Variants in TMEM132B observed in about 807,000 individuals in gnomAD.
TMEM132B encodes transmembrane protein 132B.
TMEM132B carries 18 observed loss-of-function variants against 90.8 expected under a neutral mutation model. The observed-to-expected ratio is 0.20, with a 90% CI of 0.14 to 0.29. The LOEUF (loss-of-function observed/expected upper bound fraction) is 0.29, where lower values mean the gene tolerates loss of function less well. Among genes scored for constraint, TMEM132B ranks in the 10% least tolerant of loss-of-function variants. The pLI, the probability that TMEM132B is intolerant of heterozygous loss-of-function variation, is 1.00. For missense variants in TMEM132B, 1,096 were observed against 1,326.8 expected (o/e 0.83, Z 2.70); for synonymous variants, 504 against 523.3 (o/e 0.96, Z 0.50).
At chr12:125,475,541 T>C (rs775209600) in intron 3 of TMEM132B, among the ~76,000 whole-genome samples, 1 of 152,166 alleles carries the variant, frequency 6.6e-6, no homozygotes, top group Non-Finnish European at 1.5e-5. Flanking sequence ...AGCCAGAATA[T>C]AAAGCAGGCA....
intron 4 of TMEM132B, among the ~76,000 whole-genome samples, chr12:125,560,516 T>C (rs1443414143): frequency 6.6e-6 from 1 of 152,004 alleles, no homozygotes. Context: ...CCAGTTAGAA[T>C]AGTGATCATT....
At position 125,659,796 on chromosome 12, in the gene TMEM132B, GA is replaced by G. The variant is rs1383675714; in HGVS notation, c.*5087del. The G allele has an allele frequency of 6.6e-6, 1 of 152,206 alleles. No individual in the cohort carries two copies. The highest frequency in any genetic ancestry group is 1.5e-5 in the Non-Finnish European group (1 of 68,046). 9.4% of individuals were successfully genotyped at this position (152,206 alleles called of 1,614,324 possible). A position where few individuals can be genotyped will look rare whatever the true frequency, so the allele number is the denominator to read the frequency against. On this transcript the variant is annotated 3_prime_UTR_variant, in exon 9 of 9. Transcript: ENST00000682704. ...TTCAGGTAACTGGGTGTAAACACAG[GA>G]GTTGGCTTTGTGAAACTGAGGCAGG... is the stretch of plus-strand genomic sequence containing the variant.
At chr12:125,526,390 G>C (rs948933171) in intron 4 of TMEM132B, among the ~76,000 whole-genome samples, 20 of 152,190 alleles carry the variant, frequency 1.3e-4, no homozygotes, top group Non-Finnish European at 8.8e-5. Flanking sequence ...ATTCCTACAG[G>C]CCCCAGTTGG....
chr12:125,204,180 A>T (rs1402614547), intron 1 of TMEM132B, among the ~76,000 whole-genome samples: 1 of 151,024 alleles, frequency 6.6e-6, no homozygotes, highest in Admixed American at 6.6e-5. Context: ...GGCTCCATGT[A>T]CCAGGCACTG....
intron 3 of TMEM132B, among the ~76,000 whole-genome samples, chr12:125,427,532 A>G (rs1436522764): frequency 2.6e-5 from 4 of 152,228 alleles, no homozygotes; most frequent in African/African-American, 7.2e-5. Flanking sequence ...CTCTTTTCGC[A>G]GTATCAGAGT....
chr12:125,522,885 G>A (rs1883344295), intron 4 of TMEM132B, among the ~76,000 whole-genome samples: 1 of 152,110 alleles, frequency 6.6e-6, no homozygotes, highest in South Asian at 2.1e-4. Flanking sequence ...ATTAAAATAG[G>A]GCTCAGATCT....
intron 4 of TMEM132B, among the ~76,000 whole-genome samples, chr12:125,557,244 C>T (rs1261955055): frequency 6.6e-6 from 1 of 152,100 alleles, no homozygotes; most frequent in East Asian, 1.9e-4. Context: ...GCCTCCCTTG[C>T]ACTTATTACC....
At position 125,660,430 on chromosome 12, in the gene TMEM132B, A is replaced by T. The variant is rs1310270162; in HGVS notation, c.*5720A>T. 1 of 152,208 alleles carries T rather than the reference A, an allele frequency of 6.6e-6. No individual in the cohort carries two copies. Among genetic ancestry groups the T allele is most frequent in the Non-Finnish European group, 1.5e-5 (1 of 68,046 alleles). 9.4% of individuals were successfully genotyped at this position (152,208 alleles called of 1,614,324 possible). On this transcript the variant is annotated 3_prime_UTR_variant, in exon 9 of 9. Coordinates refer to ENST00000682704, the MANE Select transcript of TMEM132B (RefSeq NM_001366854.1). ...TTTTGTGTGTGAGTGCAAAATGTAAACACGGCATTTGAAATTTTTTGGTAT... is the reference window on the plus strand; with the variant it reads ...TTTTGTGTGTGAGTGCAAAATGTAATCACGGCATTTGAAATTTTTTGGTAT...
At chr12:125,544,752 G>A (rs1884046746) in intron 4 of TMEM132B, among the ~76,000 whole-genome samples, 1 of 152,218 alleles carries the variant, frequency 6.6e-6, no homozygotes, top group South Asian at 2.1e-4. Flanking sequence ...GAGAGTGGTA[G>A]GGCTGAGGTC....
chr12:125,407,184 T>C lies in TMEM132B; in HGVS notation c.960-8347T>C, dbSNP rs1440377673. ...ATATTGAAGCACAGATTATCTGGCA[T>C]GGCCCAAGACCTCAGGTAAACAAAG... On this transcript the variant is annotated intron_variant, in intron 2 of 8. Transcript: ENST00000682704. This position sits in a 1 kb window ranked among gnomAD's most constrained non-coding sequence, Gnocchi z 6.7. 6.6e-6 allele frequency among the ~76,000 whole-genome samples: 1 copy of C among 152,238 alleles called. No individual in the cohort carries two copies. The highest frequency in any genetic ancestry group is 2.4e-5 in the African/African-American group (1 of 41,470).
chr12:125,540,853 C>T (rs1188676252), intron 4 of TMEM132B, among the ~76,000 whole-genome samples: 2 of 152,268 alleles, frequency 1.3e-5, no homozygotes, highest in African/African-American at 2.4e-5. Context: ...CTTATCATGA[C>T]CTAGTAGAGC....
chr12:125,407,729 T>C lies in TMEM132B; in HGVS notation c.960-7802T>C, dbSNP rs1158158659. On this transcript the variant is annotated intron_variant, in intron 2 of 8. Transcript: ENST00000682704. This position sits in a 1 kb window ranked among gnomAD's most constrained non-coding sequence, Gnocchi z 6.7. ...CAGAACCAAAGGGACCGCGGACACC[T>C]GGTGGAGGTCTGGGGGAGAAACGCC... 1.3e-5 allele frequency among the ~76,000 whole-genome samples: 2 copies of C among 152,124 alleles called. No homozygotes were observed. Among genetic ancestry groups the C allele is most frequent in the Non-Finnish European group, 2.9e-5 (2 of 68,022 alleles).
chr12:125,220,345 C>T (rs1448353068), intron 1 of TMEM132B, among the ~76,000 whole-genome samples: 3 of 152,306 alleles, frequency 2.0e-5, no homozygotes, highest in South Asian at 2.1e-4. Flanking sequence ...GAACCAGGGG[C>T]GACCCAGCCT....
At chr12:125,528,006 G>T (rs1448775482) in intron 4 of TMEM132B, among the ~76,000 whole-genome samples, 1 of 152,216 alleles carries the variant, frequency 6.6e-6, no homozygotes, top group African/African-American at 2.4e-5. Context: ...ACCGCTTCTT[G>T]AAAAGGGTGG....
At chr12:125,563,551 C>T (rs1007703102) in intron 4 of TMEM132B, among the ~76,000 whole-genome samples, 10 of 145,356 alleles carry the variant, frequency 6.9e-5, no homozygotes, top group Non-Finnish European at 1.5e-4. Context: ...GGCATCAGAG[C>T]GAGACTCTGT....
rs148266172 is a variant in TMEM132B, at chr12:125,415,662, C to G, written c.1091C>G (p.Pro364Arg). The part of the protein sequence containing the change: ...SATLTCMGHR[P>R]DTQSRVNGSF... ...ACCCTCACCTGCATGGGCCATCGCC[C>G]GGACACGCAGAGCAGGTAAGCATGG... The change falls in exon 3 of 9, where the codon CCG becomes CGG. Residue 364 changes from proline (P) to arginine (R), a missense_variant. Coordinates refer to ENST00000682704, the MANE Select transcript of TMEM132B (RefSeq NM_001366854.1). The surrounding 1 kb of genome is among the most constrained non-coding windows in gnomAD (Gnocchi z 5.3). The G allele has an allele frequency of 3.1e-6, 5 of 1,613,952 alleles. No individual in the cohort carries two copies. The highest frequency in any genetic ancestry group is 4.2e-6 in the Non-Finnish European group (5 of 1,180,006).
chr12:125,641,585 C>T (rs913971446), intron 5 of TMEM132B, among the ~76,000 whole-genome samples: 2 of 152,160 alleles, frequency 1.3e-5, no homozygotes, highest in Non-Finnish European at 2.9e-5. Context: ...AATTGCTAAG[C>T]CCTCTTACTT....
chr12:125,190,508 GGTGGTGA>G (rs1957792138), intron 1 of TMEM132B, among the ~76,000 whole-genome samples: 3 of 136,384 alleles, frequency 2.2e-5, no homozygotes, highest in Admixed American at 7.1e-5. Flanking sequence ...GATGGGAAGG[GGTGGTGA>G]TGGTGATGGG....
intron 1 of TMEM132B, among the ~76,000 whole-genome samples, chr12:125,283,295 C>A (rs763674279): frequency 2.3e-4 from 35 of 152,124 alleles, no homozygotes; most frequent in Non-Finnish European, 4.4e-4. Context: ...TCCTTATATT[C>A]TAGCCAAGTT....
Sources: gnomAD v4.1 joint callset for allele counts (sites outside exome capture counted in the v4.1 genomes callset) on GRCh38, gnomAD v4.1.1 for gene constraint, Gnocchi (gnomAD v3.1) non-coding constraint, MANE v1.5 for transcripts, NCBI Gene and HGNC (gene_info 2026-07-23, HGNC 2026-07-21) for gene names.